The following GALNT1 variants were observed in gnomAD, a reference collection of about 807,000 sequenced individuals.
The protein encoded by GALNT1 is polypeptide N-acetylgalactosaminyltransferase 1, also known as GalNAc transferase 1.
Under a neutral mutation model 65.7 loss-of-function variants are expected in GALNT1, and 17 were observed. The ratio of observed to expected loss-of-function variants is 0.26; its 90% CI spans 0.18 to 0.39. The LOEUF is 0.39. Among genes scored for constraint, GALNT1 ranks in the 10% least tolerant of loss-of-function variants. The pLI is 1.00. For synonymous variants in GALNT1, 210 were observed against 219.7 expected (o/e 0.96, Z 0.39); for missense variants, 460 against 672.8 (o/e 0.68, Z 3.50).
At chr18:35,588,191 G>C (rs1397622933) in intron 1 of GALNT1, among the ~76,000 whole-genome samples, 1 of 152,100 alleles carries the variant, frequency 6.6e-6, no homozygotes, top group African/African-American at 2.4e-5. Flanking sequence ...GAGAGAGAAG[G>C]CCAGTTATTT....
intron 1 of GALNT1, among the ~76,000 whole-genome samples, chr18:35,609,858 A>G (rs2046695103): frequency 6.6e-6 from 1 of 152,204 alleles, no homozygotes; most frequent in African/African-American, 2.4e-5. Flanking sequence ...TAATGTTTTT[A>G]CTATTTAAAA....
chr18:35,689,368 A>G (rs575870127), intron 7 of GALNT1, 78 bp downstream of exon 7: 160 of 813,198 alleles, frequency 2.0e-4, no homozygotes, highest in Non-Finnish European at 3.1e-4. Flanking sequence ...GTATCTCTAC[A>G]TAAAAAATAA....
rs1568033120 is a variant in GALNT1 at position 35,689,210 on chromosome 18, A to G, written c.898A>G (p.Arg300Gly). The G allele has an allele frequency of 4.3e-6, 7 of 1,612,870 alleles. No individual in the cohort carries two copies. Among genetic ancestry groups the G allele is most frequent in the Non-Finnish European group, 5.9e-6 (7 of 1,179,162 alleles). Residue 300 changes from arginine to glycine, a missense_variant, in exon 7 of 12, where the codon AGA (arginine) becomes GGA (glycine). By Grantham distance (125) the Arg-to-Gly change is moderately radical (BLOSUM62 -2). Transcript: ENST00000269195. ...TMAGGLFSID[R>G]DYFQEIGTYD... ...GGCAGGAGGCCTTTTTTCAATAGAC[A>G]GAGATTACTTTCAGGAAATTGGAAC... is the stretch of plus-strand genomic sequence containing the variant.
intron 1 of GALNT1, among the ~76,000 whole-genome samples, chr18:35,619,969 T>G (rs1316742388): frequency 1.3e-5 from 2 of 152,188 alleles, no homozygotes; most frequent in Non-Finnish European, 2.9e-5. Context: ...CTTGTCTTAT[T>G]TTTCTATTTT....
chr18:35,639,539 G>A (rs993175955), intron 1 of GALNT1, among the ~76,000 whole-genome samples: 2 of 152,086 alleles, frequency 1.3e-5, no homozygotes, highest in African/African-American at 4.8e-5. Flanking sequence ...AACCACACCT[G>A]CAGTATCTCT....
At chr18:35,709,374 A>G (rs1319422695) in intron 11 of GALNT1, among the ~76,000 whole-genome samples, 2 of 151,794 alleles carry the variant, frequency 1.3e-5, no homozygotes, top group South Asian at 4.2e-4. Context: ...AGTGTACCCT[A>G]CTGGACCCCA....
At chr18:35,605,573 A>C (rs2046636829) in intron 1 of GALNT1, among the ~76,000 whole-genome samples, 2 of 148,846 alleles carry the variant, frequency 1.3e-5, no homozygotes, top group Admixed American at 1.3e-4. Context: ...AAACTCTTAG[A>C]TCTCCCTCCC....
At chr18:35,667,511 T>C (rs1046124306) in intron 3 of GALNT1, among the ~76,000 whole-genome samples, 3 of 152,192 alleles carry the variant, frequency 2.0e-5, no homozygotes, top group Non-Finnish European at 4.4e-5. Flanking sequence ...ACATAAACAA[T>C]GATACTTTCA....
intron 1 of GALNT1, among the ~76,000 whole-genome samples, chr18:35,651,094 C>T (rs1368571486): frequency 6.6e-6 from 1 of 152,180 alleles, no homozygotes; most frequent in Non-Finnish European, 1.5e-5. Flanking sequence ...ATGGCTTCAG[C>T]TGGTCCCTCC....
chr18:35,630,816 TAAA>T (rs1235677012), intron 1 of GALNT1, among the ~76,000 whole-genome samples: 1 of 151,746 alleles, frequency 6.6e-6, no homozygotes, highest in East Asian at 1.9e-4. Context: ...GCAAGACTAA[TAAA>T]GAAGAAAAGA....
intron 5 of GALNT1, 92 bp downstream of exon 5, chr18:35,683,690 A>G: frequency 1.0e-6 from 1 of 993,876 alleles, no homozygotes; most frequent in East Asian, 2.7e-5. Flanking sequence ...AAATAAATAT[A>G]AAAGTAATTT....
chr18:35,699,918 C>T (rs1321476002), intron 9 of GALNT1, among the ~76,000 whole-genome samples: 2 of 152,156 alleles, frequency 1.3e-5, no homozygotes, highest in African/African-American at 4.8e-5. Flanking sequence ...AGTCTTAAAG[C>T]TATATGGAAT....
intron 1 of GALNT1, among the ~76,000 whole-genome samples, chr18:35,624,379 C>T (rs2046891105): frequency 6.6e-6 from 1 of 152,134 alleles, no homozygotes; most frequent in African/African-American, 2.4e-5. Flanking sequence ...GTAGATTAGT[C>T]TAGAATAAGC....
chr18:35,688,616 A>ATATT lies in GALNT1; in HGVS notation c.861-555_861-552dup, dbSNP rs2047906616. 3.9e-5 allele frequency among the ~76,000 whole-genome samples: 6 copies of ATATT among 152,300 alleles called. No individual in the cohort carries two copies. The South Asian group carries it at 1.2e-3, about 32-fold the overall frequency. Reference sequence around the variant, plus strand: ...GGAAGGAACATATTGATTTTATTCTATATTTTGTCTCCTCTCCTTAAAGAT... The same window carrying ATATT: ...GGAAGGAACATATTGATTTTATTCTATATTTATTTTGTCTCCTCTCCTTAAAGAT... On this transcript the variant is annotated intron_variant, in intron 6 of 11. Transcript: ENST00000269195.
intron 1 of GALNT1, among the ~76,000 whole-genome samples, chr18:35,589,173 T>G (rs2046414412): frequency 6.6e-6 from 1 of 152,078 alleles, no homozygotes; most frequent in Non-Finnish European, 1.5e-5. Context: ...GTACAGTATC[T>G]TGTTTCCACC....
chr18:35,693,545 G>A (rs1192490826), intron 9 of GALNT1, among the ~76,000 whole-genome samples: 1 of 152,204 alleles, frequency 6.6e-6, no homozygotes, highest in African/African-American at 2.4e-5. Context: ...TATGGAAACA[G>A]GAGTAGAGCT....
intron 1 of GALNT1, among the ~76,000 whole-genome samples, chr18:35,592,042 C>T (rs548487631): frequency 4.9e-4 from 75 of 152,216 alleles, no homozygotes; most frequent in Non-Finnish European, 3.8e-4. Context: ...AGTTGGAGCA[C>T]TGCATCTTGT....
At chr18:35,641,831 C>G (rs747129705) in intron 1 of GALNT1, among the ~76,000 whole-genome samples, 1 of 152,024 alleles carries the variant, frequency 6.6e-6, no homozygotes, top group Admixed American at 6.6e-5. Context: ...AACAACCATA[C>G]GTATATACTT....
chr18:35,687,651 ATAGC>A, intron 6 of GALNT1, among the ~76,000 whole-genome samples: 1 of 152,334 alleles, frequency 6.6e-6, no homozygotes, highest in Admixed American at 6.5e-5. Flanking sequence ...AAACATAAAA[ATAGC>A]TAGAATTGAC....
Sources: allele counts gnomAD v4.1 joint callset (sites outside exome capture counted in the v4.1 genomes callset), GRCh38; gene constraint gnomAD v4.1.1; transcripts MANE v1.5; gene names NCBI Gene and HGNC (gene_info 2026-07-23, HGNC 2026-07-21).